The following C1orf87 variants were observed in gnomAD, a reference collection of about 807,000 sequenced individuals.
C1orf87 encodes uncharacterized protein C1orf87.
A neutral mutation model predicts 60.5 loss-of-function variants in C1orf87; 58 were observed. The observed-to-expected ratio is 0.96, with a 90% CI of 0.78 to 1.19. The LOEUF is 1.19. C1orf87 is among the 50% of genes most tolerant of loss of function. The probability of loss-of-function intolerance (pLI) is 0.00; values close to 1 mark genes in which losing one functional copy is unlikely to be tolerated. For missense variants in C1orf87, 673 were observed against 638.6 expected (o/e 1.05, Z -0.58); for synonymous variants, 236 against 227.4 (o/e 1.04, Z -0.34).
At chr1:60,005,821 TC>T (rs1553125588) in intron 9 of C1orf87, among the ~76,000 whole-genome samples, 1 of 149,990 alleles carries the variant, frequency 6.7e-6, no homozygotes, top group Non-Finnish European at 1.5e-5. Flanking sequence ...TTTTTTTTTT[TC>T]CTCTGGTGAT....
chr1:60,012,789 A>G (rs904613117), intron 8 of C1orf87, among the ~76,000 whole-genome samples: 2 of 152,190 alleles, frequency 1.3e-5, no homozygotes, highest in East Asian at 1.9e-4. Context: ...TGAGACAACC[A>G]TCTTATGGGG....
intron 3 of C1orf87, among the ~76,000 whole-genome samples, chr1:60,052,310 A>C (rs12748839): frequency 0.13 from 19,646 of 151,648 alleles, 1,595 homozygotes; most frequent in East Asian, 0.28. Context: ...AGAGCTGATA[A>C]TTCTGAGAAA....
At chr1:60,058,662 G>T (rs1645473625) in intron 2 of C1orf87, among the ~76,000 whole-genome samples, 2 of 152,062 alleles carry the variant, frequency 1.3e-5, no homozygotes, top group Non-Finnish European at 2.9e-5. Flanking sequence ...AGAAATTAAG[G>T]CCAGGAAAGT....
intron 3 of C1orf87, among the ~76,000 whole-genome samples, chr1:60,048,194 T>C (rs1295484356): frequency 6.6e-6 from 1 of 152,158 alleles, no homozygotes; most frequent in Non-Finnish European, 1.5e-5. Context: ...CTCGGATCAC[T>C]CATTTTGTGA....
intron 9 of C1orf87, among the ~76,000 whole-genome samples, chr1:60,003,478 A>G (rs1645022082): frequency 6.6e-6 from 1 of 152,132 alleles, no homozygotes; most frequent in African/African-American, 2.4e-5. Context: ...ATAATTTAAA[A>G]AAATCACAAA....
At position 59,997,511 on chromosome 1, in the gene C1orf87, T is replaced by C. The variant is rs1644971261; in HGVS notation, c.1480+98A>G. On this transcript the variant is annotated intron_variant, in intron 11 of 11. Coordinates refer to ENST00000371201, the MANE Select transcript of C1orf87 (RefSeq NM_152377.3). Reference sequence around the variant, plus strand: ...GCAGGGCACATGATTTATATATTAATTGTATCATTTGTTCAAGAGGCAAAA... The same window carrying C: ...GCAGGGCACATGATTTATATATTAACTGTATCATTTGTTCAAGAGGCAAAA... 4.8e-6 allele frequency: 5 copies of C among 1,041,510 alleles called. No individual in the cohort carries two copies. In the Admixed American group the frequency reaches 1.1e-4, roughly 23 times the overall value. The allele number at this position is 1,041,510 out of a possible 1,614,324, so 64.5% of individuals were successfully genotyped here. A position where few individuals can be genotyped will look rare whatever the true frequency, so the allele number is the denominator to read the frequency against.
At chr1:60,056,985 A>G (rs1231727641) in intron 2 of C1orf87, among the ~76,000 whole-genome samples, 1 of 152,176 alleles carries the variant, frequency 6.6e-6, no homozygotes, top group Non-Finnish European at 1.5e-5. Context: ...ATTTGAATAT[A>G]TGTATATTTT....
At chr1:60,001,649 C>G (rs1022979213) in intron 9 of C1orf87, among the ~76,000 whole-genome samples, 2 of 152,040 alleles carry the variant, frequency 1.3e-5, no homozygotes, top group Non-Finnish European at 2.9e-5. Flanking sequence ...TAGCAAGGCC[C>G]TAAGAAAGGC....
chr1:60,055,752 T>C (rs1050241067), intron 2 of C1orf87, among the ~76,000 whole-genome samples: 1 of 152,202 alleles, frequency 6.6e-6, no homozygotes, highest in African/African-American at 2.4e-5. Flanking sequence ...ATCACATTTC[T>C]TACTTGTAAA....
intron 2 of C1orf87, among the ~76,000 whole-genome samples, chr1:60,071,689 C>A (rs2100339538): frequency 6.6e-6 from 1 of 152,284 alleles, no homozygotes; most frequent in Admixed American, 6.5e-5. Context: ...GAGCTGGTTC[C>A]TGAATCTGTA....
intron 8 of C1orf87, among the ~76,000 whole-genome samples, chr1:60,013,660 T>G (rs1645104818): frequency 6.6e-6 from 1 of 151,858 alleles, no homozygotes; most frequent in Admixed American, 6.6e-5. Context: ...TCCCTTTCCA[T>G]GTTTTGTAGT....
intron 6 of C1orf87, among the ~76,000 whole-genome samples, chr1:60,036,395 AC>A (rs1251828097): frequency 6.6e-6 from 1 of 152,200 alleles, no homozygotes; most frequent in Non-Finnish European, 1.5e-5. Context: ...CTAGAGTAAA[AC>A]ACTTAACTCT....
intron 2 of C1orf87, 56 bp from the exon 3 acceptor site, chr1:60,055,494 G>T: frequency 1.4e-6 from 2 of 1,473,496 alleles, no homozygotes; most frequent in Non-Finnish European, 1.9e-6. Context: ...TCATACACTA[G>T]GCTGGCATAA....
chr1:60,000,896 A>C (rs929997374), intron 10 of C1orf87, among the ~76,000 whole-genome samples, 181 bp downstream of exon 10: 3 of 151,964 alleles, frequency 2.0e-5, no homozygotes, highest in African/African-American at 7.2e-5. Flanking sequence ...ACTAACCCAC[A>C]CTTAAGTAGT....
chr1:60,072,601 G>C lies in C1orf87; in HGVS notation c.43C>G (p.Pro15Ala). Residue 15 changes from proline to alanine, a missense_variant, in exon 2 of 12, where the codon CCT (proline) becomes GCT (alanine). Transcript: ENST00000371201. ...CCAATGATTTTCACCATGATCTCAG[G>C]CATTGCATCTGATCCACGGGGAGTC... ...WKTPRGSDAMPEIMVKIIGSK... is the reference protein window; with the variant it reads ...WKTPRGSDAMAEIMVKIIGSK... 1 of 1,613,006 alleles carries C rather than the reference G, an allele frequency of 6.2e-7. No individual in the cohort carries two copies. The highest frequency in any genetic ancestry group is 2.2e-5 in the East Asian group (1 of 44,866).
chr1:60,000,991 C>G (rs1644998944), intron 10 of C1orf87, 86 bp downstream of exon 10: 2 of 1,113,502 alleles, frequency 1.8e-6, no homozygotes, highest in Non-Finnish European at 2.6e-6. Context: ...TCAAAACCCA[C>G]AGGAGAGAGC....
intron 7 of C1orf87, among the ~76,000 whole-genome samples, chr1:60,032,469 G>A (rs572385413): frequency 7.4e-5 from 9 of 120,818 alleles, no homozygotes; most frequent in East Asian, 7.3e-4. Context: ...ACTGAGTCTC[G>A]CTCTGTCACC....
At chr1:60,040,722 G>A (rs758674896) in intron 4 of C1orf87, among the ~76,000 whole-genome samples, 18 of 151,610 alleles carry the variant, frequency 1.2e-4, no homozygotes, top group Non-Finnish European at 2.4e-4. Context: ...AACGAAGTCT[G>A]GTGTCCATTT....
At chr1:59,991,016 A>G (rs2100227194) in intron 11 of C1orf87, among the ~76,000 whole-genome samples, 183 bp from the exon 12 acceptor site, 1 of 152,360 alleles carries the variant, frequency 6.6e-6, no homozygotes, top group Non-Finnish European at 1.5e-5. Context: ...TGCATCACAG[A>G]TTTCAGGAAG....
Sources: gnomAD v4.1 joint callset for allele counts (sites outside exome capture counted in the v4.1 genomes callset) on GRCh38, gnomAD v4.1.1 for gene constraint, MANE v1.5 for transcripts, NCBI Gene and HGNC (gene_info 2026-07-23, HGNC 2026-07-21) for gene names.